CEP57L1: variants seen among roughly 807,000 people sequenced by gnomAD.
CEP57L1 encodes centrosomal protein CEP57L1.
In CEP57L1, 37 loss-of-function variants were observed where a neutral mutation model predicts 61.0. The observed-to-expected ratio is 0.61, with a 90% CI of 0.47 to 0.80. The LOEUF is 0.80. CEP57L1 is among the 30% of genes least tolerant of loss of function. CEP57L1 has a pLI of 0.00. For missense variants in CEP57L1, 422 were observed against 524.7 expected (o/e 0.80, Z 1.91); for synonymous variants, 137 against 162.3 (o/e 0.84, Z 1.19).
chr6:109,097,681 T>G (rs1781872323), intron 1 of CEP57L1, among the ~76,000 whole-genome samples: 1 of 152,154 alleles, frequency 6.6e-6, no homozygotes, highest in Non-Finnish European at 1.5e-5. Context: ...GTAAAACACT[T>G]AGTAAATGAA....
At chr6:109,098,969 T>C (rs1782044835) in intron 1 of CEP57L1, among the ~76,000 whole-genome samples, 1 of 152,194 alleles carries the variant, frequency 6.6e-6, no homozygotes, top group African/African-American at 2.4e-5. Flanking sequence ...GAGTCAAAAA[T>C]GGCTTCAAAG....
chr6:109,170,608 T>G lies in CEP57L1; in HGVS notation c.*7638T>G, dbSNP rs540962951. On this transcript the variant is annotated 3_prime_UTR_variant, in exon 11 of 11. Transcript: ENST00000517392. ...TCATCACTGTAGATCCGTTTAACTT[T>G]ACAAATGTGTTATTTAAAACATAAA... is the stretch of plus-strand genomic sequence containing the variant. Among the ~76,000 whole-genome samples the G allele has an allele frequency of 1.3e-5, 2 of 152,330 alleles. No homozygotes were observed. Among genetic ancestry groups the G allele is most frequent in the Non-Finnish European group, 2.9e-5 (2 of 68,024 alleles).
intron 1 of CEP57L1, among the ~76,000 whole-genome samples, chr6:109,122,851 T>C (rs1253630261): frequency 6.6e-6 from 1 of 152,128 alleles, no homozygotes; most frequent in Non-Finnish European, 1.5e-5. Flanking sequence ...AGGCCCCTAC[T>C]ACCATCCTTC....
In CEP57L1 at chr6:109,124,156, C is replaced by G. The variant is rs111484146; in HGVS notation, c.-3-21063C>G. ...AATAGCCTCCTACCTGTACTTTGAGCGTTTGGTTGTTTCTGTCGTTCTTAC... is the reference window on the plus strand; with the variant it reads ...AATAGCCTCCTACCTGTACTTTGAGGGTTTGGTTGTTTCTGTCGTTCTTAC... On this transcript the variant is annotated intron_variant, in intron 1 of 10. Transcript: ENST00000517392. Among the ~76,000 whole-genome samples, 518 of 151,970 alleles carry G rather than the reference C, an allele frequency of 3.4e-3. 1 individual carries two copies. The highest frequency in any genetic ancestry group is 0.01 in the African/African-American group (418 of 41,462).
At chr6:109,109,308 G>A (rs528471248) in intron 1 of CEP57L1, among the ~76,000 whole-genome samples, 2 of 152,246 alleles carry the variant, frequency 1.3e-5, no homozygotes, top group Non-Finnish European at 2.9e-5. Context: ...AATTTACAAT[G>A]ATAGTAGCAT....
chr6:109,140,137 G>C (rs949808997), intron 1 of CEP57L1, among the ~76,000 whole-genome samples: 10 of 152,070 alleles, frequency 6.6e-5, no homozygotes, highest in African/African-American at 2.4e-4. Flanking sequence ...CTGTCACCCA[G>C]GCTGGAGTGC....
intron 1 of CEP57L1, among the ~76,000 whole-genome samples, chr6:109,134,451 A>T (rs1318203027): frequency 1.3e-5 from 2 of 152,228 alleles, no homozygotes. Context: ...CCCACAGCCA[A>T]TATCATACTG....
At chr6:109,096,443 A>T (rs1021411394) in intron 1 of CEP57L1, among the ~76,000 whole-genome samples, 1 of 152,154 alleles carries the variant, frequency 6.6e-6, no homozygotes, top group African/African-American at 2.4e-5. Context: ...ATCCCAGGGG[A>T]AATGAAGACC....
rs1774005966 is a variant in CEP57L1 at position 109,165,070 on chromosome 6, C to G, written c.*2100C>G. On this transcript the variant is annotated 3_prime_UTR_variant, in exon 11 of 11. Transcript: ENST00000517392. ...TCCAGCCTGGTGACACAGCAAGACT[C>G]TGTCTCAAAAAAAAAAAAAAAAATT... Among the ~76,000 whole-genome samples, 1 of 145,482 alleles carries G rather than the reference C, an allele frequency of 6.9e-6. No homozygotes were observed. The highest frequency in any genetic ancestry group is 1.5e-5 in the Non-Finnish European group (1 of 66,882).
intron 4 of CEP57L1, among the ~76,000 whole-genome samples, chr6:109,153,095 C>T (rs1242375665): frequency 6.9e-6 from 1 of 145,962 alleles, no homozygotes; most frequent in Non-Finnish European, 1.5e-5. Context: ...TGGGCAACAG[C>T]AAGACTCTGT....
At chr6:109,155,947 A>G in intron 7 of CEP57L1, 70 bp downstream of exon 7, 2 of 676,092 alleles carry the variant, frequency 3.0e-6, no homozygotes, top group South Asian at 3.9e-5. Flanking sequence ...CTTAATCCTT[A>G]TACCTACCCC....
At chr6:109,113,921 G>A (rs997868410) in intron 1 of CEP57L1, among the ~76,000 whole-genome samples, 1 of 152,194 alleles carries the variant, frequency 6.6e-6, no homozygotes, top group East Asian at 1.9e-4. Context: ...ATAAAGCTTT[G>A]TTTGCCATAT....
intron 1 of CEP57L1, among the ~76,000 whole-genome samples, chr6:109,114,557 A>G (rs185470883): frequency 1.3e-5 from 2 of 152,178 alleles, no homozygotes; most frequent in African/African-American, 4.8e-5. Flanking sequence ...AGAGGACATC[A>G]TATTAAGGGA....
At position 109,172,657 on chromosome 6, in the gene CEP57L1, G is replaced by A. The variant is rs1774457216; in HGVS notation, c.*9687G>A. On this transcript the variant is annotated 3_prime_UTR_variant, in exon 11 of 11. Coordinates refer to ENST00000517392, the MANE Select transcript of CEP57L1 (RefSeq NM_001271852.3). ...ATCATGGCCTCTGGTTAAGGTGTCA[G>A]TCTTGCCTCCAAATTTCCTCCTAAA... Among the ~76,000 whole-genome samples, 1 of 152,164 alleles carries A rather than the reference G, an allele frequency of 6.6e-6. No individual in the cohort carries two copies. The highest frequency in any genetic ancestry group is 2.4e-5 in the African/African-American group (1 of 41,442).
chr6:109,159,463 G>A lies in CEP57L1; in HGVS notation c.1016+1G>A. 6.2e-7 allele frequency: 1 copy of A among 1,609,098 alleles called. No individual in the cohort carries two copies. The highest frequency in any genetic ancestry group is 8.5e-7 in the Non-Finnish European group (1 of 1,176,954). On this transcript the variant is annotated splice_donor_variant, in intron 9 of 10. Coordinates refer to ENST00000517392, the MANE Select transcript of CEP57L1 (RefSeq NM_001271852.3). LOFTEE classifies it high-confidence loss of function. ...AAGATGAGCTGGACCAAATGAGCAT[G>A]TAAGTATTTATATTCTTTTTTTTTT... is the stretch of plus-strand genomic sequence containing the variant.
At chr6:109,097,380 A>C (rs1444959122) in intron 1 of CEP57L1, among the ~76,000 whole-genome samples, 2 of 152,212 alleles carry the variant, frequency 1.3e-5, no homozygotes, top group African/African-American at 4.8e-5. Context: ...CTTGGTTAAA[A>C]CTATTCAGTG....
At chr6:109,116,410 C>G (rs1254330045) in intron 1 of CEP57L1, among the ~76,000 whole-genome samples, 1 of 152,136 alleles carries the variant, frequency 6.6e-6, no homozygotes, top group African/African-American at 2.4e-5. Context: ...CTCCCTACCT[C>G]AGGTGATCTG....
At chr6:109,098,622 T>C (rs1005274425) in intron 1 of CEP57L1, among the ~76,000 whole-genome samples, 3 of 152,036 alleles carry the variant, frequency 2.0e-5, no homozygotes, top group African/African-American at 4.8e-5. Flanking sequence ...TTTCCTTTTT[T>C]TTTTTAACTG....
At chr6:109,157,520 A>G (rs2114944527) in intron 7 of CEP57L1, 1 of 152,366 alleles carries the variant, frequency 6.6e-6, no homozygotes, top group East Asian at 1.9e-4. Flanking sequence ...AGGTAATTCA[A>G]GAGCAATATT....
Sources: gnomAD v4.1 joint callset for allele counts (sites outside exome capture counted in the v4.1 genomes callset) on GRCh38, gnomAD v4.1.1 for gene constraint, MANE v1.5 for transcripts, NCBI Gene and HGNC (gene_info 2026-07-23, HGNC 2026-07-21) for gene names.